RGPD2: variants seen among roughly 807,000 people sequenced by gnomAD.
The protein encoded by RGPD2 is RANBP2 like and GRIP domain containing 2.
A neutral mutation model predicts 36.0 loss-of-function variants in RGPD2; 2 were observed. The ratio of observed to expected loss-of-function variants is 0.06; its 90% confidence interval spans 0.02 to 0.17. The LOEUF (loss-of-function observed/expected upper bound fraction) is 0.17. RGPD2 is among the 10% of genes least tolerant of loss of function. RGPD2 has a pLI of 1.00. For synonymous variants in RGPD2, 19 were observed against 163.8 expected, an observed-to-expected ratio of 0.12 and a Z score of 6.75; for missense variants, 40 against 464.3, an observed-to-expected ratio of 0.09 and a Z score of 8.40.
chr2:87,988,899 C>A, the RGPD2 span, among the ~76,000 whole-genome samples: 1 of 152,040 alleles, frequency 6.6e-6, no homozygotes, highest in Admixed American at 6.6e-5. Flanking sequence ...CCTCAGGGAA[C>A]AGAACTAGCA....
the RGPD2 span, among the ~76,000 whole-genome samples, chr2:87,973,343 G>C: frequency 0.13 from 9,995 of 77,522 alleles, 275 homozygotes; most frequent in East Asian, 0.22. Context: ...TCCGGTGAGG[G>C]TGAGCCAGTC....
chr2:87,802,977 C>CT (rs1370126667), intron 7 of RGPD2, among the ~76,000 whole-genome samples: 1 of 30 alleles, frequency 0.033, no homozygotes, highest in Non-Finnish European at 0.083. Context: ...ACTATTTCCT[C>CT]TTTTTTTTTT....
At chr2:87,861,870 GTA>G in the RGPD2 span, among the ~76,000 whole-genome samples, 1 of 100,364 alleles carries the variant, frequency 1.0e-5, no homozygotes. Context: ...ATATATATGT[GTA>G]TATATATGTG....
the RGPD2 span, among the ~76,000 whole-genome samples, chr2:87,864,585 G>T: frequency 1.7e-5 from 2 of 115,474 alleles, no homozygotes; most frequent in Non-Finnish European, 3.7e-5. Flanking sequence ...ATGATAGATA[G>T]ATAGATAGAT....
upstream of RGPD2, among the ~76,000 whole-genome samples, chr2:87,827,318 A>G (rs1436766927): frequency 3.3e-5 from 5 of 152,406 alleles, no homozygotes; most frequent in African/African-American, 4.8e-5. Context: ...GTTATATCTT[A>G]TTGTATGGCA....
chr2:87,915,587 T>C, the RGPD2 span, among the ~76,000 whole-genome samples: 1 of 145,628 alleles, frequency 6.9e-6, no homozygotes, highest in African/African-American at 2.5e-5. Flanking sequence ...TGTGTGTATA[T>C]ACACATATAT....
intron 21 of RGPD2, among the ~76,000 whole-genome samples, chr2:87,772,776 C>G (rs533115886): frequency 1.4e-5 from 2 of 147,684 alleles, no homozygotes; most frequent in East Asian, 4.1e-4. Flanking sequence ...GACATTCTCA[C>G]GAGAAACAGA....
At chr2:87,937,554 G>A in the RGPD2 span, among the ~76,000 whole-genome samples, 5 of 151,718 alleles carry the variant, frequency 3.3e-5, no homozygotes, top group Non-Finnish European at 5.9e-5. Flanking sequence ...GCAAGAGAGA[G>A]ATGGGGGAGG....
chr2:87,986,673 A>G, the RGPD2 span, among the ~76,000 whole-genome samples: 1 of 151,514 alleles, frequency 6.6e-6, no homozygotes, highest in East Asian at 2.0e-4. Context: ...TGAGGTCAGG[A>G]GTTCGAAACC....
At chr2:87,948,337 T>C in the RGPD2 span, among the ~76,000 whole-genome samples, 1 of 151,954 alleles carries the variant, frequency 6.6e-6, no homozygotes, top group Non-Finnish European at 1.5e-5. Flanking sequence ...CTGGCCATCA[T>C]CATCGTTATT....
At chr2:87,856,942 T>C in the RGPD2 span, among the ~76,000 whole-genome samples, 9 of 152,068 alleles carry the variant, frequency 5.9e-5, no homozygotes, top group Non-Finnish European at 8.8e-5. Context: ...GTTTATACTA[T>C]CTGTTAGCCA....
the RGPD2 span, among the ~76,000 whole-genome samples, chr2:87,832,085 T>C: frequency 2.0e-5 from 3 of 146,946 alleles, no homozygotes; most frequent in South Asian, 4.3e-4. Context: ...AAAATATTAG[T>C]ACTACTAAAA....
chr2:87,771,955 G>A (rs1489329930), intron 22 of RGPD2, among the ~76,000 whole-genome samples: 1 of 152,264 alleles, frequency 6.6e-6, no homozygotes, highest in Non-Finnish European at 1.5e-5. Context: ...AGCACTTATT[G>A]TATTTTGCTG....
chr2:87,884,537 A>G, the RGPD2 span, among the ~76,000 whole-genome samples: 2 of 151,940 alleles, frequency 1.3e-5, no homozygotes, highest in African/African-American at 2.4e-5. Context: ...TAAAATTGAC[A>G]AAACCTTAGC....
chr2:87,937,495 C>T, the RGPD2 span, among the ~76,000 whole-genome samples: 4 of 151,796 alleles, frequency 2.6e-5, no homozygotes, highest in South Asian at 2.1e-4. Flanking sequence ...AACTTATAAC[C>T]GTGAAGAAAG....
chr2:87,930,832 GT>G, the RGPD2 span, among the ~76,000 whole-genome samples: 57,334 of 136,844 alleles, frequency 0.42, 11,695 homozygotes, highest in Non-Finnish European at 0.45. Context: ...ATTTCTTCCA[GT>G]TTTTTTTTTT....
At chr2:87,887,283 A>G in the RGPD2 span, among the ~76,000 whole-genome samples, 1 of 151,686 alleles carries the variant, frequency 6.6e-6, no homozygotes, top group African/African-American at 2.4e-5. Flanking sequence ...TTATTGATCG[A>G]AACCGCAGGT....
At chr2:87,929,475 T>TTTGTG in the RGPD2 span, among the ~76,000 whole-genome samples, 2 of 147,494 alleles carry the variant, frequency 1.4e-5, no homozygotes, top group African/African-American at 5.0e-5. Flanking sequence ...TTTGTTTTTT[T>TTTGTG]TGTGTGTGTG....
At chr2:87,985,018 C>T in the RGPD2 span, among the ~76,000 whole-genome samples, 648 of 144,356 alleles carry the variant, frequency 4.5e-3, 5 homozygotes, top group African/African-American at 0.016. Context: ...GGGGTAATTA[C>T]AGTCTAGAGT....
Sources: gnomAD v4.1 joint callset for allele counts (sites outside exome capture counted in the v4.1 genomes callset) on GRCh38, gnomAD v4.1.1 for gene constraint, MANE v1.5 for transcripts, NCBI Gene and HGNC (gene_info 2026-07-23, HGNC 2026-07-21) for gene names.